ECRG4: variants seen among roughly 807,000 people sequenced by gnomAD.
The protein encoded by ECRG4 is augurin.
ECRG4 carries 18 observed loss-of-function variants against 15.8 expected under a neutral mutation model. The ratio of observed to expected loss-of-function variants is 1.14; its 90% CI spans 0.79 to 1.69. ECRG4 has a LOEUF of 1.69. Ranked by LOEUF, ECRG4 falls within the 40% of genes most tolerant of loss-of-function variation. The probability of loss-of-function intolerance (pLI) is 0.00; values close to 1 mark genes in which losing one functional copy is unlikely to be tolerated. For synonymous variants in ECRG4, 82 were observed against 73.9 expected (o/e 1.11, Z -0.56); for missense variants, 200 against 190.9 (o/e 1.05, Z -0.28).
intron 1 of ECRG4, 40 bp downstream of exon 1, chr2:106,065,883 G>C (rs1459914618): frequency 2.1e-6 from 3 of 1,449,822 alleles, no homozygotes; most frequent in African/African-American, 3.0e-5. Flanking sequence ...AGCGGCACCA[G>C]GGGTTGGCCC....
upstream of ECRG4, among the ~76,000 whole-genome samples, chr2:106,065,342 G>C (rs1676185654): frequency 6.6e-6 from 1 of 152,132 alleles, no homozygotes; most frequent in African/African-American, 2.4e-5. Flanking sequence ...GCTGGGATCC[G>C]GCAAGTCCTC....
chr2:106,067,074 G>A (rs796671499), intron 1 of ECRG4, among the ~76,000 whole-genome samples: 2 of 90,384 alleles, frequency 2.2e-5, no homozygotes, highest in African/African-American at 4.2e-5. Context: ...GGGGGGGGGG[G>A]GCAGATCACC....
chr2:106,077,906 G>A lies in ECRG4; in HGVS notation c.427G>A (p.Val143Ile), dbSNP rs376920426. The A allele has an allele frequency of 2.4e-5, 39 of 1,614,016 alleles. No individual in the cohort carries two copies. Among genetic ancestry groups the A allele is most frequent in the East Asian group, 8.9e-5 (4 of 44,860 alleles). The part of the protein sequence containing the change: ...SPYGFRHGAS[V>I]NYDDY The stretch of plus-strand genomic sequence containing the variant: ...CTACGGCTTTAGGCATGGAGCCAGC[G>A]TCAACTACGATGACTACTAACCATG... Residue 143 changes from valine to isoleucine, a missense_variant, in exon 4 of 4, where the codon GTC becomes ATC. By Grantham distance (29) the Val-to-Ile change is conservative. Coordinates refer to ENST00000238044, the MANE Select transcript of ECRG4 (RefSeq NM_032411.3).
chr2:106,063,819 T>C (rs1449085041), upstream of ECRG4, among the ~76,000 whole-genome samples: 1 of 152,214 alleles, frequency 6.6e-6, no homozygotes, highest in East Asian at 1.9e-4. Context: ...TGACCTCAAG[T>C]GATCTGCCCT....
chr2:106,071,692 G>A (rs1262656128), intron 1 of ECRG4, 152 bp from the exon 2 acceptor site: 2 of 601,156 alleles, frequency 3.3e-6, no homozygotes, highest in African/African-American at 1.9e-5. Flanking sequence ...TGCAGGACAG[G>A]GAATACAGCA....
chr2:106,076,959 AGT>A (rs1351651715), intron 3 of ECRG4, among the ~76,000 whole-genome samples: 1 of 152,228 alleles, frequency 6.6e-6, no homozygotes, highest in Non-Finnish European at 1.5e-5. Context: ...AAGAAAAATT[AGT>A]CTCTCCTTTA....
chr2:106,065,643 C>A (rs923690881), upstream of ECRG4: 4 of 686,576 alleles, frequency 5.8e-6, no homozygotes, highest in Non-Finnish European at 8.6e-6. Context: ...GGTCCCGCCC[C>A]GGCAGCGACG....
chr2:106,073,004 TAAAC>T (rs927426690), intron 2 of ECRG4, among the ~76,000 whole-genome samples: 9 of 152,244 alleles, frequency 5.9e-5, no homozygotes, highest in Middle Eastern at 6.8e-3. Flanking sequence ...CAAGGGATTG[TAAAC>T]AAACAAACAA....
rs928607651 is a variant in ECRG4, at chr2:106,068,445, G to A, written c.79+2602G>A. On this transcript the variant is annotated intron_variant, in intron 1 of 3. Transcript: ENST00000238044. The stretch of plus-strand genomic sequence containing the variant: ...TATATGTACTGATATGGAGTTCAGT[G>A]TATAGTACCTGGCACAGCAGCAACA... Among the ~76,000 whole-genome samples, 5 of 152,314 alleles carry A rather than the reference G, an allele frequency of 3.3e-5. No homozygotes were observed. In the South Asian group the frequency reaches 1.0e-3, roughly 32 times the overall value.
chr2:106,074,153 T>C (rs1360671160), intron 3 of ECRG4, 110 bp downstream of exon 3: 2 of 1,286,194 alleles, frequency 1.6e-6, no homozygotes, highest in East Asian at 4.7e-5. Context: ...TGTTCATTCC[T>C]AGAGTAAGAG....
upstream of ECRG4, chr2:106,065,686 G>T: frequency 8.8e-7 from 1 of 1,141,314 alleles, no homozygotes; most frequent in Non-Finnish European, 1.2e-6. Context: ...CTGCCCGCTC[G>T]CACCCCTCTC....
At chr2:106,064,917 A>G (rs902432987), upstream of ECRG4, among the ~76,000 whole-genome samples, 2 of 152,072 alleles carry the variant, frequency 1.3e-5, no homozygotes, top group African/African-American at 4.8e-5. Context: ...AGTTACTGGG[A>G]TGCAGTTCTG....
At chr2:106,076,499 G>A (rs1167655060) in intron 3 of ECRG4, among the ~76,000 whole-genome samples, 5 of 152,172 alleles carry the variant, frequency 3.3e-5, no homozygotes, top group African/African-American at 4.8e-5. Context: ...CCCAGGTATA[G>A]AGAATGGCAG....
chr2:106,077,701 T>G lies in ECRG4; in HGVS notation c.286-64T>G, dbSNP rs564413282. 100 of 1,431,760 alleles carry G rather than the reference T, an allele frequency of 7.0e-5. No homozygotes were observed. The African/African-American group carries it at 1.3e-3, about 18-fold the overall frequency. 88.7% of individuals were successfully genotyped at this position (1,431,760 alleles called of 1,614,324 possible). On this transcript the variant is annotated intron_variant, in intron 3 of 3. Coordinates refer to ENST00000238044, the MANE Select transcript of ECRG4 (RefSeq NM_032411.3). Reference sequence around the variant, plus strand: ...CCATGAAGAAAAGCCATAGGTAAGATTAGGTCTTAGGGGACTGCATGACCT... The same window carrying G: ...CCATGAAGAAAAGCCATAGGTAAGAGTAGGTCTTAGGGGACTGCATGACCT...
At chr2:106,073,039 C>T (rs1232469702) in intron 2 of ECRG4, among the ~76,000 whole-genome samples, 1 of 152,196 alleles carries the variant, frequency 6.6e-6, no homozygotes, top group East Asian at 1.9e-4. Flanking sequence ...TGGTATTTGT[C>T]CATACGACCA....
At chr2:106,077,588 G>A (rs765658764) in intron 3 of ECRG4, among the ~76,000 whole-genome samples, 177 bp from the exon 4 acceptor site, 1 of 152,224 alleles carries the variant, frequency 6.6e-6, no homozygotes, top group Non-Finnish European at 1.5e-5. Flanking sequence ...TTTTATCAGA[G>A]TGAATACTGC....
At chr2:106,070,801 C>T (rs1475239145) in intron 1 of ECRG4, 1 of 398,738 alleles carries the variant, frequency 2.5e-6, no homozygotes, top group Non-Finnish European at 5.2e-6. Flanking sequence ...CCCCCTGGAG[C>T]CTGTCCATGG....
intron 1 of ECRG4, among the ~76,000 whole-genome samples, chr2:106,066,790 G>A (rs1462504365): frequency 6.6e-6 from 1 of 152,124 alleles, no homozygotes; most frequent in Non-Finnish European, 1.5e-5. Context: ...AAACAGGTAT[G>A]GAAACTGAAC....
At chr2:106,073,212 G>T (rs1332816652) in intron 2 of ECRG4, among the ~76,000 whole-genome samples, 2 of 152,200 alleles carry the variant, frequency 1.3e-5, no homozygotes, top group Non-Finnish European at 2.9e-5. Flanking sequence ...CACATCCTGC[G>T]GAAGTGGTTC....
Sources: allele counts gnomAD v4.1 joint callset (sites outside exome capture counted in the v4.1 genomes callset), GRCh38; gene constraint gnomAD v4.1.1; transcripts MANE v1.5; gene names NCBI Gene and HGNC (gene_info 2026-07-23, HGNC 2026-07-21).